Variants in TMEM272 observed in about 807,000 individuals in gnomAD.
The protein encoded by TMEM272 is transmembrane protein 272.
In TMEM272, 8 loss-of-function variants were observed where a neutral mutation model predicts 3.7. The observed-to-expected ratio is 2.17, with a 90% CI of 1.27 to 3.91. The LOEUF (loss-of-function observed/expected upper bound fraction) is 3.91. Ranked by LOEUF, TMEM272 falls within the 30% of genes most tolerant of loss-of-function variation. TMEM272 has a pLI of 0.00. For synonymous variants in TMEM272, 63 were observed against 39.8 expected, an observed-to-expected ratio of 1.58 and a Z score of -2.20; for missense variants, 166 against 91.5, an observed-to-expected ratio of 1.81 and a Z score of -3.32.
chr13:51,828,567 GTT>G (rs1956146671), intron 2 of TMEM272, among the ~76,000 whole-genome samples: 2 of 152,164 alleles, frequency 1.3e-5, no homozygotes, highest in South Asian at 2.1e-4. Flanking sequence ...CCACCCCTGA[GTT>G]GTATATAATG....
At chr13:51,894,711 G>C in the TMEM272 span, among the ~76,000 whole-genome samples, 1 of 152,168 alleles carries the variant, frequency 6.6e-6, no homozygotes, top group Non-Finnish European at 1.5e-5. Context: ...TGGCACCAGG[G>C]ACCAGTTTCG....
chr13:51,916,560 C>T, the TMEM272 span, among the ~76,000 whole-genome samples: 25,213 of 152,128 alleles, frequency 0.17, 2,408 homozygotes, highest in African/African-American at 0.24. Context: ...CACATGGAGC[C>T]AGGTGCTGGC....
the TMEM272 span, among the ~76,000 whole-genome samples, chr13:51,926,057 CAT>C: frequency 1.1e-4 from 17 of 151,226 alleles, no homozygotes; most frequent in African/African-American, 2.4e-4. Flanking sequence ...TGCAGTGTGA[CAT>C]ATATGTGTGG....
chr13:51,885,771 G>A, the TMEM272 span, among the ~76,000 whole-genome samples: 1 of 152,152 alleles, frequency 6.6e-6, no homozygotes, highest in Non-Finnish European at 1.5e-5. Context: ...TTTGTATATA[G>A]ACAGTCAGAC....
the TMEM272 span, among the ~76,000 whole-genome samples, chr13:51,898,254 G>C: frequency 5.4e-5 from 8 of 149,390 alleles, no homozygotes; most frequent in African/African-American, 2.0e-4. Context: ...AAAATAAAAA[G>C]ATAATTAGAA....
the TMEM272 span, chr13:51,909,023 A>G: frequency 6.8e-7 from 1 of 1,472,600 alleles, no homozygotes; most frequent in East Asian, 2.3e-5. Context: ...AAGTCGGAAG[A>G]TAGAGAAAAG....
the TMEM272 span, among the ~76,000 whole-genome samples, chr13:51,903,657 C>A: frequency 2.0e-5 from 3 of 152,122 alleles, no homozygotes; most frequent in Non-Finnish European, 4.4e-5. Context: ...CCCAGAAGTC[C>A]CGGTTTCTAT....
the TMEM272 span, among the ~76,000 whole-genome samples, chr13:51,857,695 A>G: frequency 6.6e-6 from 1 of 152,114 alleles, no homozygotes; most frequent in African/African-American, 2.4e-5. Flanking sequence ...ATCCAAAAGA[A>G]AAAAGGAAAA....
At chr13:51,874,818 C>T in the TMEM272 span, among the ~76,000 whole-genome samples, 17 of 152,176 alleles carry the variant, frequency 1.1e-4, no homozygotes, top group Non-Finnish European at 1.9e-4. Context: ...TGGTTTTGCT[C>T]GTGTTTTATG....
chr13:51,877,897 T>C, the TMEM272 span, among the ~76,000 whole-genome samples: 7 of 152,356 alleles, frequency 4.6e-5, no homozygotes, highest in Admixed American at 6.5e-5. Context: ...GTGGGATAAA[T>C]AGTCATTGCT....
At chr13:51,894,635 A>C in the TMEM272 span, among the ~76,000 whole-genome samples, 4 of 152,182 alleles carry the variant, frequency 2.6e-5, no homozygotes, top group African/African-American at 9.7e-5. Context: ...AGAAGTTTGC[A>C]AAAGGGCAAA....
At chr13:51,898,680 C>T in the TMEM272 span, among the ~76,000 whole-genome samples, 1 of 151,096 alleles carries the variant, frequency 6.6e-6, no homozygotes, top group South Asian at 2.1e-4. Flanking sequence ...CCTATCCTGG[C>T]TGCACAAAGC....
chr13:51,832,751 G>A (rs764920715), intron 2 of TMEM272, among the ~76,000 whole-genome samples: 4 of 152,170 alleles, frequency 2.6e-5, no homozygotes, highest in Non-Finnish European at 2.9e-5. Context: ...ATAGCAATTT[G>A]CATGAGGGGG....
the TMEM272 span, chr13:51,910,265 C>A: frequency 2.8e-6 from 4 of 1,413,092 alleles, no homozygotes; most frequent in African/African-American, 5.7e-5. Flanking sequence ...CTGTTGCCTC[C>A]TTCTCAAAGC....
At chr13:51,931,288 T>A in the TMEM272 span, among the ~76,000 whole-genome samples, 5 of 129,026 alleles carry the variant, frequency 3.9e-5, no homozygotes, top group Admixed American at 8.5e-5. Context: ...TAAAAAAGGA[T>A]GAGTTCGTCT....
chr13:51,865,582 G>C, the TMEM272 span: 1 of 1,614,240 alleles, frequency 6.2e-7, no homozygotes, highest in East Asian at 2.2e-5. Context: ...TCAGGGAAGA[G>C]ATGTGGACTT....
At chr13:51,880,374 A>G in the TMEM272 span, among the ~76,000 whole-genome samples, 1 of 152,152 alleles carries the variant, frequency 6.6e-6, no homozygotes, top group East Asian at 1.9e-4. Flanking sequence ...CTGTATAATT[A>G]TGAGTCTCCA....
the TMEM272 span, among the ~76,000 whole-genome samples, chr13:51,886,214 A>AAAT: frequency 6.6e-6 from 1 of 152,250 alleles, no homozygotes; most frequent in East Asian, 1.9e-4. Context: ...AAATGACTGC[A>AAAT]GACTCTGGAA....
At chr13:51,869,491 ATTTTT>A in the TMEM272 span, among the ~76,000 whole-genome samples, 1,171 of 142,858 alleles carry the variant, frequency 8.2e-3, 14 homozygotes, top group African/African-American at 0.029. Context: ...CAATTCAGTA[ATTTTT>A]TTTTTTTTTT....
Sources: gnomAD v4.1 joint callset for allele counts (sites outside exome capture counted in the v4.1 genomes callset) on GRCh38, gnomAD v4.1.1 for gene constraint, MANE v1.5 for transcripts, NCBI Gene and HGNC (gene_info 2026-07-23, HGNC 2026-07-21) for gene names.